NDC80: variants seen among roughly 807,000 people sequenced by gnomAD.
NDC80 encodes kinetochore protein NDC80 homolog.
In NDC80, 69 loss-of-function variants were observed where a neutral mutation model predicts 89.3. That is an observed-to-expected ratio of 0.77 (90% CI 0.64 to 0.94). The LOEUF (loss-of-function observed/expected upper bound fraction) is 0.94. NDC80 is among the 40% of genes least tolerant of loss of function. NDC80 has a pLI of 0.00. For synonymous variants in NDC80, 243 were observed against 255.6 expected (o/e 0.95, Z 0.47); for missense variants, 593 against 739.6 (o/e 0.80, Z 2.30).
chr18:2,578,023 C>G lies in NDC80; in HGVS notation c.358C>G (p.Pro120Ala). 3 of 1,614,002 alleles carry G rather than the reference C, an allele frequency of 1.9e-6. No individual in the cohort carries two copies. The highest frequency in any genetic ancestry group is 2.5e-6 in the Non-Finnish European group (3 of 1,179,956). ...HNVSMKSLQA[P>A]SVKDFLKIFT... ...TGTGTCCATGAAATCTCTACAAGCT[C>G]CCTCTGTTAAAGACTTCCTGAAGAT... The change falls in exon 5 of 17, where the codon CCC becomes GCC. Residue 120 changes from proline (P) to alanine (A), a missense_variant. Physicochemically the swap from Pro to Ala is conservative, Grantham distance 27. Coordinates refer to ENST00000261597, the MANE Select transcript of NDC80 (RefSeq NM_006101.3).
At chr18:2,592,782 A>G (rs1456298340) in intron 10 of NDC80, among the ~76,000 whole-genome samples, 3 of 152,148 alleles carry the variant, frequency 2.0e-5, no homozygotes, top group Non-Finnish European at 4.4e-5. Context: ...ATAGGTTGTA[A>G]CAAACCAAGA....
At chr18:2,593,055 T>TGTGTGTGTG (rs770101280) in intron 10 of NDC80, among the ~76,000 whole-genome samples, 5 of 89,412 alleles carry the variant, frequency 5.6e-5, no homozygotes, top group Non-Finnish European at 9.3e-5. Context: ...TGTGTGTGTG[T>TGTGTGTGTG]CTTTTTTTTT....
chr18:2,611,336 A>C (rs538772268), intron 16 of NDC80, among the ~76,000 whole-genome samples: 1 of 152,206 alleles, frequency 6.6e-6, no homozygotes, highest in Non-Finnish European at 1.5e-5. Flanking sequence ...GGCGTGAGCC[A>C]CCGCACCCAG....
At chr18:2,572,700 T>G (rs1266778119) in intron 1 of NDC80, among the ~76,000 whole-genome samples, 1 of 152,214 alleles carries the variant, frequency 6.6e-6, no homozygotes, top group Non-Finnish European at 1.5e-5. Flanking sequence ...AACTTACTCG[T>G]CTTTGCATCT....
Position 2,616,549 on chromosome 18 carries a change from C to T in NDC80, c.1904C>T (p.Thr635Ile). 7.6e-6 allele frequency: 11 copies of T among 1,448,258 alleles called. No homozygotes were observed. Among genetic ancestry groups the T allele is most frequent in the Non-Finnish European group, 1.0e-5 (11 of 1,069,162 alleles). The allele number at this position is 1,448,258 out of a possible 1,614,324, so 89.7% of individuals were successfully genotyped here. ...EIRDKYEKKATLIKSSEE is the reference protein window; with the variant it reads ...EIRDKYEKKAILIKSSEE ...AGAGATAAGTATGAGAAGAAAGCTA[C>T]TCTAATTAAGTCTTCTGAAGAATGA... is the stretch of plus-strand genomic sequence containing the variant. Residue 635 changes from threonine to isoleucine, a missense_variant, in exon 17 of 17, where the codon ACT becomes ATT. Thr to Ile is a moderately conservative substitution (Grantham distance 89, BLOSUM62 -1). Coordinates refer to ENST00000261597, the MANE Select transcript of NDC80 (RefSeq NM_006101.3).
chr18:2,595,473 A>G lies in NDC80; in HGVS notation c.1073A>G (p.Asn358Ser), dbSNP rs748054844. The G allele has an allele frequency of 1.2e-6, 2 of 1,613,924 alleles. No individual in the cohort carries two copies. The highest frequency in any genetic ancestry group is 1.1e-5 in the South Asian group (1 of 91,084). ...ENTRLQNIID[N>S]QKYSVADIER... ...ACTCGACTACAGAATATCATTGACA[A>G]CCAGAAGTACTCAGTTGCAGACATT... The change falls in exon 11 of 17, where the codon AAC becomes AGC. Residue 358 changes from asparagine to serine, a missense_variant. Transcript: ENST00000261597.
rs568928840 is a variant in NDC80, at chr18:2,596,979, G to A, written c.1221+1358G>A. ...CTCATAGGTGGGAATTGAACAATGAGAACACATGGACACAGGAAGGGGAGC... is the reference window on the plus strand; with the variant it reads ...CTCATAGGTGGGAATTGAACAATGAAAACACATGGACACAGGAAGGGGAGC... On this transcript the variant is annotated intron_variant, in intron 11 of 16. Transcript: ENST00000261597. Among the ~76,000 whole-genome samples, 7 of 151,892 alleles carry A rather than the reference G, an allele frequency of 4.6e-5. No homozygotes were observed. The East Asian group carries it at 1.2e-3, about 25-fold the overall frequency.
chr18:2,585,284 C>T (rs1338886648), intron 7 of NDC80, 82 bp downstream of exon 7: 24 of 1,065,214 alleles, frequency 2.3e-5, no homozygotes, highest in Non-Finnish European at 2.9e-5. Flanking sequence ...AGATGCCCCT[C>T]GACTTATGAT....
intron 14 of NDC80, among the ~76,000 whole-genome samples, chr18:2,608,159 A>G (rs1379043141): frequency 1.3e-5 from 2 of 149,664 alleles, no homozygotes; most frequent in Non-Finnish European, 3.0e-5. Context: ...TTTAAAGCTT[A>G]TATATATTTT....
chr18:2,594,529 A>C (rs557004598), intron 10 of NDC80: 1 of 163,800 alleles, frequency 6.1e-6, no homozygotes, highest in Admixed American at 6.2e-5. Flanking sequence ...GTTTGGGAAG[A>C]ACCAGAATCA....
At chr18:2,616,349 T>A in intron 16 of NDC80, 88 bp from the exon 17 acceptor site, 1 of 968,974 alleles carries the variant, frequency 1.0e-6, no homozygotes, top group Non-Finnish European at 1.5e-6. Flanking sequence ...CTTAAAAATG[T>A]TATCCTCTTG....
chr18:2,585,113 A>G lies in NDC80; in HGVS notation c.580A>G (p.Ile194Val). Residue 194 changes from isoleucine (I) to valine (V), a missense_variant and splice_region_variant, in exon 7 of 17, where the codon ATA becomes GTA. Transcript: ENST00000261597. ...ALVWLIDCIKIHTAMKESSPL... is the reference protein window; with the variant it reads ...ALVWLIDCIKVHTAMKESSPL... Reference sequence around the variant, plus strand: ...CTTTTCTTGCTTGTGTACTAATTAGATACATACTGCCATGAAAGAAAGCTC... The same window carrying G: ...CTTTTCTTGCTTGTGTACTAATTAGGTACATACTGCCATGAAAGAAAGCTC... 6.2e-7 allele frequency: 1 copy of G among 1,611,336 alleles called. No homozygotes were observed. Among genetic ancestry groups the G allele is most frequent in the Non-Finnish European group, 8.5e-7 (1 of 1,177,734 alleles).
In NDC80 at chr18:2,611,567, T is replaced by TA. The variant is rs778835943; in HGVS notation, c.1791+707dup. The stretch of plus-strand genomic sequence containing the variant: ...ATCGTTATTCCTTTCTGTGATTTCA[T>TA]ATAGGCACAAAGTAAAGTATTTCAA... On this transcript the variant is annotated intron_variant, in intron 16 of 16. Transcript: ENST00000261597. Among the ~76,000 whole-genome samples, 6 of 152,288 alleles carry TA rather than the reference T, an allele frequency of 3.9e-5. No individual in the cohort carries two copies. The East Asian group carries it at 1.2e-3, about 29-fold the overall frequency.
At chr18:2,574,910 G>A in intron 2 of NDC80, 79 bp from the exon 3 acceptor site, 1 of 864,134 alleles carries the variant, frequency 1.2e-6, no homozygotes. Context: ...AAGAGTTGTT[G>A]GTTCTAATAT....
intron 13 of NDC80, among the ~76,000 whole-genome samples, chr18:2,605,700 A>G (rs555013045): frequency 4.0e-5 from 6 of 151,892 alleles, no homozygotes; most frequent in East Asian, 1.9e-4. Flanking sequence ...TTTTAATTTC[A>G]TATGTGTGTA....
At chr18:2,597,856 T>TA (rs2143655193) in intron 11 of NDC80, among the ~76,000 whole-genome samples, 1 of 152,170 alleles carries the variant, frequency 6.6e-6, no homozygotes, top group Non-Finnish European at 1.5e-5. Flanking sequence ...CTGGCTTGGG[T>TA]AATTGGGCAG....
intron 11 of NDC80, 146 bp downstream of exon 11, chr18:2,595,767 T>G: frequency 1.7e-6 from 1 of 578,402 alleles, no homozygotes; most frequent in Non-Finnish European, 3.0e-6. Context: ...CACTCATCCC[T>G]TTATGTCAAT....
chr18:2,603,968 C>T (rs2072697683), intron 13 of NDC80, among the ~76,000 whole-genome samples: 1 of 152,042 alleles, frequency 6.6e-6, no homozygotes, highest in Non-Finnish European at 1.5e-5. Flanking sequence ...CACAACATGA[C>T]AAAGATATTA....
chr18:2,614,561 AAGGGAAAG>A (rs1568016039), intron 16 of NDC80: 2 of 3,016 alleles, frequency 6.6e-4, no homozygotes, highest in Admixed American at 4.3e-3. Context: ...GGAAGGAAGG[AAGGGAAAG>A]AAAGAAAGAA....
Sources: gnomAD v4.1 joint callset for allele counts (sites outside exome capture counted in the v4.1 genomes callset) on GRCh38, gnomAD v4.1.1 for gene constraint, MANE v1.5 for transcripts, NCBI Gene and HGNC (gene_info 2026-07-23, HGNC 2026-07-21) for gene names.